ZNF385D: variants seen among roughly 807,000 people sequenced by gnomAD.
ZNF385D encodes the protein zinc finger protein 659.
In ZNF385D, 15 loss-of-function variants were observed where a neutral mutation model predicts 35.8. The observed-to-expected ratio is 0.42, with a 90% CI of 0.28 to 0.64. The LOEUF (loss-of-function observed/expected upper bound fraction) is 0.64, where lower values mean the gene tolerates loss of function less well. Ranked by LOEUF, ZNF385D falls within the 30% of genes least tolerant of loss-of-function variation. ZNF385D has a pLI of 0.23. For missense variants in ZNF385D, 474 were observed against 494.6 expected (o/e 0.96, Z 0.39); for synonymous variants, 212 against 186.8 (o/e 1.13, Z -1.10).
intron 3 of ZNF385D, among the ~76,000 whole-genome samples, chr3:21,826,069 C>T (rs1354077586): frequency 5.3e-5 from 8 of 152,174 alleles, no homozygotes; most frequent in Non-Finnish European, 8.8e-5. Flanking sequence ...AAAATGTCTT[C>T]CACAAAACTG....
In ZNF385D at chr3:21,769,658, T is replaced by C. The variant is rs1376042785; in HGVS notation, c.326-104630A>G. On this transcript the variant is annotated intron_variant, in intron 3 of 5. Transcript: ENST00000494108. ...ATCAATATCATGAAAATGGCCATAC[T>C]GCCCAAGGTAATTTATAGATTCAAT... Among the ~76,000 whole-genome samples the C allele has an allele frequency of 1.5e-4, 19 of 126,316 alleles. 1 individual carries two copies. The highest frequency in any genetic ancestry group is 2.6e-4 in the Non-Finnish European group (16 of 60,996). 82.9% of individuals were successfully genotyped at this position (126,316 alleles called of 152,430 possible).
chr3:22,127,618 G>C (rs1472758955), intron 3 of ZNF385D, among the ~76,000 whole-genome samples: 1 of 151,936 alleles, frequency 6.6e-6, no homozygotes, highest in Non-Finnish European at 1.5e-5. Flanking sequence ...AGGATTACAG[G>C]CGTGAGCCAC....
At chr3:21,773,304 T>A (rs2071154142) in intron 3 of ZNF385D, among the ~76,000 whole-genome samples, 2 of 151,946 alleles carry the variant, frequency 1.3e-5, no homozygotes, top group Admixed American at 1.3e-4. Flanking sequence ...AGTTCAAGCC[T>A]CTTAGTCTTC....
intron 3 of ZNF385D, among the ~76,000 whole-genome samples, chr3:22,127,644 A>G (rs1402684755): frequency 1.3e-5 from 2 of 151,778 alleles, no homozygotes. Flanking sequence ...CTGGCCCTAA[A>G]TGTTTTCTTG....
At chr3:22,042,025 G>A (rs1471763410) in intron 3 of ZNF385D, among the ~76,000 whole-genome samples, 1 of 152,130 alleles carries the variant, frequency 6.6e-6, no homozygotes, top group African/African-American at 2.4e-5. Flanking sequence ...TGTTTTAATA[G>A]GAGAAACATA....
rs376647416 is a variant in ZNF385D at position 22,334,075 on chromosome 3, T to C, written c.106+38375A>G. On this transcript the variant is annotated intron_variant, in intron 2 of 5. Transcript: ENST00000494108. ...CACATCCTTTCGCTTTTAAATTTTA[T>C]GCGTTCACATATTTAATGCATGTCT... is the stretch of plus-strand genomic sequence containing the variant. Among the ~76,000 whole-genome samples the C allele has an allele frequency of 2.6e-5, 4 of 152,212 alleles. No individual in the cohort carries two copies. The East Asian group carries it at 7.7e-4, about 29-fold the overall frequency.
At chr3:21,489,001 T>C (rs2125400789) in intron 4 of ZNF385D, among the ~76,000 whole-genome samples, 1 of 152,278 alleles carries the variant, frequency 6.6e-6, no homozygotes, top group South Asian at 2.1e-4. Flanking sequence ...AGTTAGAGTC[T>C]ATTAATAAAC....
At chr3:21,852,911 C>T (rs1332959842) in intron 3 of ZNF385D, among the ~76,000 whole-genome samples, 2 of 151,784 alleles carry the variant, frequency 1.3e-5, no homozygotes, top group East Asian at 1.9e-4. Context: ...AGAATAATCC[C>T]GTGAGGAAAA....
intron 2 of ZNF385D, among the ~76,000 whole-genome samples, chr3:22,172,036 T>C (rs911484583): frequency 6.6e-5 from 10 of 152,208 alleles, no homozygotes; most frequent in African/African-American, 2.4e-4. Flanking sequence ...ATTTGACATA[T>C]TTGAGTTCCA....
intron 2 of ZNF385D, among the ~76,000 whole-genome samples, chr3:22,280,761 T>A (rs1701696758): frequency 6.6e-6 from 1 of 152,138 alleles, no homozygotes; most frequent in African/African-American, 2.4e-5. Flanking sequence ...CTTTTTTGGG[T>A]TCATATGAAT....
chr3:21,633,813 T>C (rs1035514776), intron 2 of ZNF385D, among the ~76,000 whole-genome samples: 1 of 152,126 alleles, frequency 6.6e-6, no homozygotes, highest in Non-Finnish European at 1.5e-5. Context: ...TTGCTTTATT[T>C]ATAACGTATT....
intron 3 of ZNF385D, among the ~76,000 whole-genome samples, chr3:21,830,836 A>G (rs1022199854): frequency 1.3e-5 from 2 of 152,202 alleles, no homozygotes; most frequent in Non-Finnish European, 2.9e-5. Context: ...CTTGGGGTAG[A>G]CAGAAACTCT....
intron 2 of ZNF385D, among the ~76,000 whole-genome samples, chr3:22,343,941 G>T (rs894237749): frequency 1.3e-5 from 2 of 151,742 alleles, no homozygotes; most frequent in African/African-American, 4.8e-5. Context: ...TAAAAAAAAT[G>T]AACAAGTGAA....
At chr3:21,990,061 T>A (rs1186312334) in intron 3 of ZNF385D, among the ~76,000 whole-genome samples, 1 of 152,222 alleles carries the variant, frequency 6.6e-6, no homozygotes, top group African/African-American at 2.4e-5. Flanking sequence ...TTACCCTGAC[T>A]CCAAATGCAA....
At position 21,865,437 on chromosome 3, in the gene ZNF385D, T is replaced by C. The variant is rs953639424; in HGVS notation, c.326-200409A>G. On this transcript the variant is annotated intron_variant, in intron 3 of 5. Coordinates refer to the ZNF385D transcript ENST00000494108. ...CTTACCTTCCTTAAAAACCATATTA[T>C]TATTAAGGCATTTTGAATGGGTCCA... 1.3e-4 allele frequency among the ~76,000 whole-genome samples: 20 copies of C among 152,112 alleles called. 1 individual carries two copies. Among genetic ancestry groups the C allele is most frequent in the Non-Finnish European group, 1.5e-5 (1 of 68,002 alleles).
intron 3 of ZNF385D, among the ~76,000 whole-genome samples, chr3:22,015,795 TG>T (rs1696852209): frequency 6.6e-6 from 1 of 152,268 alleles, no homozygotes; most frequent in South Asian, 2.1e-4. Flanking sequence ...AAGACTGGCT[TG>T]GATTCATGCT....
chr3:21,984,958 C>T (rs1432830014), intron 3 of ZNF385D, among the ~76,000 whole-genome samples: 1 of 151,196 alleles, frequency 6.6e-6, no homozygotes, highest in African/African-American at 2.4e-5. Flanking sequence ...CATGATTTGG[C>T]TCTCTGTTTG....
chr3:21,519,667 T>G (rs577976004), intron 3 of ZNF385D, among the ~76,000 whole-genome samples: 1 of 152,282 alleles, frequency 6.6e-6, no homozygotes, highest in African/African-American at 2.4e-5. Context: ...CAGTCCTTTT[T>G]GGAGCTTTTT....
chr3:21,696,657 C>G (rs1443141035), intron 1 of ZNF385D, among the ~76,000 whole-genome samples: 1 of 152,220 alleles, frequency 6.6e-6, no homozygotes, highest in Non-Finnish European at 1.5e-5. Flanking sequence ...CAGACAGTAG[C>G]TCTTTAAAAA....
Sources: gnomAD v4.1 joint callset for allele counts (sites outside exome capture counted in the v4.1 genomes callset) on GRCh38, gnomAD v4.1.1 for gene constraint, MANE v1.5 for transcripts, NCBI Gene and HGNC (gene_info 2026-07-23, HGNC 2026-07-21) for gene names.